Variants in S100A5 observed in about 807,000 individuals in gnomAD.
S100A5 encodes the protein protein S100-A5.
A neutral mutation model predicts 6.7 loss-of-function variants in S100A5; 5 were observed. The ratio of observed to expected loss-of-function variants is 0.75; its 90% CI spans 0.39 to 1.57. The LOEUF (loss-of-function observed/expected upper bound fraction) is 1.57. Among genes scored for constraint, S100A5 ranks in the 40% most tolerant of loss-of-function variants. The pLI, the probability that S100A5 is intolerant of heterozygous loss-of-function variation, is 0.03. For synonymous variants in S100A5, 49 were observed against 44.9 expected (o/e 1.09, Z -0.37); for missense variants, 129 against 110.8 (o/e 1.16, Z -0.74).
upstream of S100A5, chr1:153,541,405 A>T: frequency 1.5e-6 from 2 of 1,367,866 alleles, no homozygotes; most frequent in Non-Finnish European, 2.0e-6. Context: ...GTGAGCCCAG[A>T]GAATCCAAGC....
In S100A5 at chr1:153,540,871, TAC is replaced by T. The variant is rs1276447909; in HGVS notation, c.-267_-266del. Among the ~76,000 whole-genome samples, 3 of 152,118 alleles carry T rather than the reference TAC, an allele frequency of 2.0e-5. No homozygotes were observed. Among genetic ancestry groups the T allele is most frequent in the Non-Finnish European group, 4.4e-5 (3 of 68,016 alleles). On this transcript the variant is annotated 5_prime_UTR_variant, in exon 1 of 3. Transcript: ENST00000368717. ...CATTCCAAAACCTGGATCCAGAGGC[TAC>T]GCTTGAATAAGGGCCTGGATTCCAA...
chr1:153,538,995 T>C (rs1453392096), intron 2 of S100A5, among the ~76,000 whole-genome samples: 3 of 151,868 alleles, frequency 2.0e-5, no homozygotes, highest in Non-Finnish European at 4.4e-5. Flanking sequence ...CTAAGCGTGG[T>C]GGTATTTGCT....
At chr1:153,541,563 A>G, upstream of S100A5, 1 of 1,254,262 alleles carries the variant, frequency 8.0e-7, no homozygotes, top group Non-Finnish European at 1.0e-6. Context: ...AGCTGGGGAG[A>G]AACCCCTTCT....
At chr1:153,541,858 A>G (rs997343552), upstream of S100A5, 3 of 1,022,882 alleles carry the variant, frequency 2.9e-6, no homozygotes, top group African/African-American at 3.5e-5. Flanking sequence ...AGTAGAGAAG[A>G]CAGCCCTTGA....
intron 2 of S100A5, among the ~76,000 whole-genome samples, chr1:153,537,819 G>C (rs187230103): frequency 6.6e-6 from 1 of 152,138 alleles, no homozygotes; most frequent in Non-Finnish European, 1.5e-5. Flanking sequence ...AGGCCGAGGC[G>C]GGTGGATCAC....
chr1:153,543,427 C>G (rs544539720), upstream of S100A5, among the ~76,000 whole-genome samples: 24 of 152,234 alleles, frequency 1.6e-4, no homozygotes, highest in African/African-American at 4.8e-4. Flanking sequence ...GTCCCCTTCT[C>G]GGCTTTGACC....
chr1:153,540,474 GA>G (rs757259906), intron 1 of S100A5, 146 bp downstream of exon 1: 1 of 293,376 alleles, frequency 3.4e-6, no homozygotes, highest in Non-Finnish European at 6.4e-6. Flanking sequence ...GCCTGAGGCA[GA>G]AAGATGAGAA....
upstream of S100A5, chr1:153,541,318 C>T: frequency 1.6e-6 from 2 of 1,281,088 alleles, no homozygotes; most frequent in Admixed American, 3.8e-5. Flanking sequence ...CACCACTTGT[C>T]ACCCTCATCA....
At chr1:153,543,323 A>G (rs1004098143), upstream of S100A5, 16 of 983,582 alleles carry the variant, frequency 1.6e-5, no homozygotes, top group African/African-American at 5.2e-5. Flanking sequence ...AGATCCTGCC[A>G]GAGGCAAGGT....
At chr1:153,541,447 G>T (rs371269011), upstream of S100A5, 3 of 1,367,666 alleles carry the variant, frequency 2.2e-6, no homozygotes, top group African/African-American at 4.4e-5. Flanking sequence ...ACTGCCTTCT[G>T]CCTTTATTTC....
intron 2 of S100A5, among the ~76,000 whole-genome samples, chr1:153,539,465 A>ATTTATT (rs1482165129): frequency 3.2e-5 from 4 of 126,344 alleles, no homozygotes; most frequent in African/African-American, 1.4e-4. Context: ...ATATATATAT[A>ATTTATT]TATATATATA....
chr1:153,541,972 C>A (rs1205636634), upstream of S100A5: 28 of 837,902 alleles, frequency 3.3e-5, no homozygotes, highest in South Asian at 1.3e-3. Context: ...TGAACGATTT[C>A]TTCTAGGCCT....
upstream of S100A5, chr1:153,541,355 T>A: frequency 7.3e-7 from 1 of 1,361,970 alleles, no homozygotes; most frequent in Non-Finnish European, 9.8e-7. Flanking sequence ...AGATATCAGA[T>A]GAACAGAGAC....
rs531426304 is a variant in S100A5 at position 153,540,174 on chromosome 1, C to T, written c.18G>A (p.Glu6=). The change falls in exon 2 of 3, where the codon GAG becomes GAA. Residue 6 remains glutamate, a synonymous_variant. Transcript: ENST00000368717. ...TGGTCACCATAGTGGTCAGGGCCTT[C>T]TCCAGAGGAGTCTCCATCACAGTGT... The part of the protein sequence containing the change: METPL[E]KALTTMVTTF... The T allele has an allele frequency of 8.1e-6, 13 of 1,614,034 alleles. No individual in the cohort carries two copies. The highest frequency in any genetic ancestry group is 1.7e-5 in the Admixed American group (1 of 59,992).
chr1:153,539,108 T>G (rs933124333), intron 2 of S100A5, among the ~76,000 whole-genome samples: 7 of 151,868 alleles, frequency 4.6e-5, no homozygotes, highest in Non-Finnish European at 1.0e-4. Context: ...CTAACCTGGG[T>G]GACAGAGTGA....
Position 153,538,571 on chromosome 1 carries a change from G to C in S100A5, c.139-1135C>G, listed in dbSNP as rs1665266657. Among the ~76,000 whole-genome samples the C allele has an allele frequency of 4.6e-5, 7 of 152,200 alleles. No homozygotes were observed. The South Asian group carries it at 1.4e-3, about 32-fold the overall frequency. ...CTCATTAACCTCCAGGATGCAGGCAGCCTGGCAGAAGGCCAGAGATCAGGC... is the reference window on the plus strand; with the variant it reads ...CTCATTAACCTCCAGGATGCAGGCACCCTGGCAGAAGGCCAGAGATCAGGC... On this transcript the variant is annotated intron_variant, in intron 2 of 2. Coordinates refer to ENST00000368717, the MANE Select transcript of S100A5 (RefSeq NM_001394232.1).
chr1:153,540,002 C>T, intron 2 of S100A5, 52 bp downstream of exon 2: 1 of 1,602,892 alleles, frequency 6.2e-7, no homozygotes, highest in African/African-American at 1.3e-5. Flanking sequence ...TATGTGTCCC[C>T]CAGAGGGAGT....
At chr1:153,543,142 TC>T, upstream of S100A5, 1 of 827,524 alleles carries the variant, frequency 1.2e-6, no homozygotes, top group Non-Finnish European at 1.5e-6. Flanking sequence ...GCCTGGACTG[TC>T]AACGTCAGCA....
upstream of S100A5, chr1:153,543,146 C>T (rs11486137): frequency 0.013 from 11,213 of 852,916 alleles, 1,019 homozygotes; most frequent in African/African-American, 0.19. Flanking sequence ...GGACTGTCAA[C>T]GTCAGCACTG....
Sources: gnomAD v4.1 joint callset for allele counts (sites outside exome capture counted in the v4.1 genomes callset) on GRCh38, gnomAD v4.1.1 for gene constraint, MANE v1.5 for transcripts, NCBI Gene and HGNC (gene_info 2026-07-23, HGNC 2026-07-21) for gene names.